The following RSF1 variants were observed in gnomAD, a reference collection of about 807,000 sequenced individuals.
RSF1 encodes HBV pX-associated protein 8.
A neutral mutation model predicts 145.2 loss-of-function variants in RSF1; 13 were observed. That is an observed-to-expected ratio of 0.09 (90% confidence interval 0.06 to 0.14). The LOEUF (loss-of-function observed/expected upper bound fraction) is 0.14, where lower values mean the gene tolerates loss of function less well. RSF1 is among the 10% of genes least tolerant of loss of function. The probability of loss-of-function intolerance (pLI) is 1.00; values close to 1 mark genes in which losing one functional copy is unlikely to be tolerated. For missense variants in RSF1, 1,517 were observed against 1,718.2 expected, an observed-to-expected ratio of 0.88 and a Z score of 2.07; for synonymous variants, 577 against 592.6, an observed-to-expected ratio of 0.97 and a Z score of 0.38.
the RSF1 span, among the ~76,000 whole-genome samples, chr11:77,840,097 AACACACAC>A: frequency 2.0e-5 from 3 of 150,332 alleles, no homozygotes; most frequent in African/African-American, 4.9e-5. Flanking sequence ...GGGGACAGTA[AACACACAC>A]ACACACACAC....
the RSF1 span, among the ~76,000 whole-genome samples, chr11:77,854,656 C>G: frequency 6.6e-6 from 1 of 152,202 alleles, no homozygotes; most frequent in African/African-American, 2.4e-5. Context: ...GGGTGCAACC[C>G]CTGTGGCTGC....
chr11:77,782,377 C>T (rs1021518324), intron 1 of RSF1, among the ~76,000 whole-genome samples: 2 of 152,108 alleles, frequency 1.3e-5, no homozygotes, highest in Admixed American at 1.3e-4. Context: ...CCCGTCTCTA[C>T]TAAATATACA....
the RSF1 span, among the ~76,000 whole-genome samples, chr11:77,849,448 T>C: frequency 6.6e-6 from 1 of 152,168 alleles, no homozygotes. Context: ...TGTCTCAAAC[T>C]CCTGACCTCA....
At chr11:77,784,128 A>T (rs2135959499) in intron 1 of RSF1, among the ~76,000 whole-genome samples, 1 of 152,294 alleles carries the variant, frequency 6.6e-6, no homozygotes, top group Non-Finnish European at 1.5e-5. Context: ...TAGGATCTCA[A>T]ATACACTTTA....
chr11:77,732,048 G>A (rs147998680), intron 4 of RSF1, among the ~76,000 whole-genome samples: 2,045 of 152,302 alleles, frequency 0.013, 21 homozygotes, highest in Middle Eastern at 0.044. Context: ...TGGAAAAGCC[G>A]CAGATACTCA....
the RSF1 span, among the ~76,000 whole-genome samples, chr11:77,852,730 G>A: frequency 6.6e-6 from 1 of 151,958 alleles, no homozygotes; most frequent in Non-Finnish European, 1.5e-5. Context: ...GAAAAAATAA[G>A]CAAATACAAA....
chr11:77,691,107 C>A, intron 9 of RSF1, 52 bp downstream of exon 9: 2 of 1,500,114 alleles, frequency 1.3e-6, no homozygotes, highest in Admixed American at 1.7e-5. Flanking sequence ...TACAGTGAGA[C>A]AATTCTGCTC....
At chr11:77,716,247 T>G (rs1282681977) in intron 5 of RSF1, among the ~76,000 whole-genome samples, 1 of 152,102 alleles carries the variant, frequency 6.6e-6, no homozygotes, top group African/African-American at 2.4e-5. Context: ...TTAAGTACTA[T>G]AGGATTCAGT....
upstream of RSF1, chr11:77,820,904 A>T: frequency 1.6e-6 from 1 of 606,912 alleles, no homozygotes; most frequent in South Asian, 2.0e-5. Context: ...GAACCGAGTC[A>T]GACGGGAGAC....
chr11:77,754,041 A>G (rs764840625), intron 2 of RSF1, among the ~76,000 whole-genome samples: 1 of 152,224 alleles, frequency 6.6e-6, no homozygotes, highest in Non-Finnish European at 1.5e-5. Context: ...AATAATAATT[A>G]TGACTCTGGT....
At chr11:77,796,052 A>G (rs1948569034) in intron 1 of RSF1, among the ~76,000 whole-genome samples, 1 of 152,148 alleles carries the variant, frequency 6.6e-6, no homozygotes, top group South Asian at 2.1e-4. Flanking sequence ...ATCAGCAGTG[A>G]TATCCCCTAT....
chr11:77,793,832 T>G (rs981448012), intron 1 of RSF1, among the ~76,000 whole-genome samples: 6 of 151,934 alleles, frequency 3.9e-5, no homozygotes, highest in Non-Finnish European at 8.8e-5. Context: ...CCATCAAGGG[T>G]GTAAGAGTAG....
At chr11:77,778,640 CAGCTAATTTTTAACAATTTTT>C (rs1311354442) in intron 1 of RSF1, among the ~76,000 whole-genome samples, 4 of 152,036 alleles carry the variant, frequency 2.6e-5, no homozygotes, top group African/African-American at 4.8e-5. Context: ...CCACCACACT[CAGCTAATTTTTAACAATTTTT>C]AGCAGAGATG....
Position 77,770,414 on chromosome 11 carries a change from C to T in RSF1, c.188-5725G>A, listed in dbSNP as rs965728542. On this transcript the variant is annotated intron_variant, in intron 1 of 15. Transcript: ENST00000308488. ...AGGATGCAGTGAGCCCAGATCGTGC[C>T]ACTGCACTCCAGCCTAGGTGACAGA... Among the ~76,000 whole-genome samples, 5 of 152,330 alleles carry T rather than the reference C, an allele frequency of 3.3e-5. No homozygotes were observed. The East Asian group carries it at 9.6e-4, about 29-fold the overall frequency.
chr11:77,661,806 AGAAGG>A lies in RSF1; in HGVS notation c.*5106_*5110del, dbSNP rs1161586336. 3 of 151,644 alleles carry A rather than the reference AGAAGG, an allele frequency of 2.0e-5. No homozygotes were observed. Among genetic ancestry groups the A allele is most frequent in the Non-Finnish European group, 4.4e-5 (3 of 67,886 alleles). The allele number at this position is 151,644 out of a possible 1,614,324, so 9.4% of individuals were successfully genotyped here. A position where few individuals can be genotyped will look rare whatever the true frequency, so the allele number is the denominator to read the frequency against. ...ACATACAAAATAAGTTAAATGATTC[AGAAGG>A]TTTTGAGCCATGAAGTTCCCCAATA... On this transcript the variant is annotated 3_prime_UTR_variant, in exon 16 of 16. Coordinates refer to ENST00000308488, the MANE Select transcript of RSF1 (RefSeq NM_016578.4).
chr11:77,806,280 T>G (rs1663428206), intron 1 of RSF1, among the ~76,000 whole-genome samples: 1 of 151,898 alleles, frequency 6.6e-6, no homozygotes, highest in African/African-American at 2.4e-5. Flanking sequence ...CCTCATGGTG[T>G]CTTGGGAAAG....
intron 5 of RSF1, among the ~76,000 whole-genome samples, chr11:77,721,854 T>A (rs1280357432): frequency 6.6e-6 from 1 of 152,078 alleles, no homozygotes; most frequent in East Asian, 1.9e-4. Context: ...CATTTTGTTG[T>A]TAGAGAAAGA....
intron 1 of RSF1, among the ~76,000 whole-genome samples, chr11:77,805,963 T>C (rs115757347): frequency 2.7e-4 from 41 of 152,312 alleles, no homozygotes; most frequent in African/African-American, 9.9e-4. Context: ...CATCAATCCA[T>C]TAACTAAGTC....
At chr11:77,711,160 A>G (rs1960673664) in intron 5 of RSF1, among the ~76,000 whole-genome samples, 2 of 148,758 alleles carry the variant, frequency 1.3e-5, no homozygotes, top group Non-Finnish European at 3.0e-5. Context: ...AAAAAAAAAA[A>G]GATAAAACTC....
Sources: gnomAD v4.1 joint callset for allele counts (sites outside exome capture counted in the v4.1 genomes callset) on GRCh38, gnomAD v4.1.1 for gene constraint, MANE v1.5 for transcripts, NCBI Gene and HGNC (gene_info 2026-07-23, HGNC 2026-07-21) for gene names.